Variants in USF2 observed in about 807,000 individuals in gnomAD.
USF2 encodes the protein upstream stimulatory factor 2.
Under a neutral mutation model 46.9 loss-of-function variants are expected in USF2, and 16 were observed. That is an observed-to-expected ratio of 0.34 (90% CI 0.23 to 0.52). The LOEUF is 0.52. Among genes scored for constraint, USF2 ranks in the 20% least tolerant of loss-of-function variants. The probability of loss-of-function intolerance (pLI) is 0.96; values close to 1 mark genes in which losing one functional copy is unlikely to be tolerated. For missense variants in USF2, 411 were observed against 474.0 expected (o/e 0.87, Z 1.23); for synonymous variants, 239 against 194.1 (o/e 1.23, Z -1.92).
intron 7 of USF2, chr19:35,275,818 C>T (rs780640915): frequency 6.6e-6 from 1 of 152,162 alleles, no homozygotes; most frequent in Non-Finnish European, 1.5e-5. Flanking sequence ...CCGACGGGCC[C>T]GAATGTGTCC....
In USF2 at chr19:35,279,078, G is replaced by A. The variant is rs749256208; in HGVS notation, c.951+4G>A. 1.9e-5 allele frequency: 30 copies of A among 1,607,616 alleles called. No individual in the cohort carries two copies. Among genetic ancestry groups the A allele is most frequent in the Non-Finnish European group, 2.5e-5 (30 of 1,177,020 alleles). On this transcript the variant is annotated splice_donor_region_variant and intron_variant, in intron 9 of 9. Transcript: ENST00000222305. ...CAACGAGCTCCTGAGGCAGCAGGTG[G>A]GTGCGGGGCCTGGAGCGGGTCAGGG...
At chr19:35,271,218 C>CA (rs974712485) in intron 7 of USF2, 77 bp downstream of exon 7, 283 of 1,572,398 alleles carry the variant, frequency 1.8e-4, no homozygotes, top group Non-Finnish European at 2.3e-4. Flanking sequence ...TGTGGAGTGA[C>CA]AGAGAGAGAA....
intron 7 of USF2, among the ~76,000 whole-genome samples, chr19:35,273,633 C>A (rs1034078649): frequency 3.3e-5 from 5 of 152,222 alleles, no homozygotes; most frequent in African/African-American, 1.2e-4. Context: ...TCACAGCTCA[C>A]TGCAGCCTTG....
At chr19:35,274,690 C>T (rs2066207728) in intron 7 of USF2, among the ~76,000 whole-genome samples, 1 of 152,230 alleles carries the variant, frequency 6.6e-6, no homozygotes, top group African/African-American at 2.4e-5. Flanking sequence ...GTAACAGTCC[C>T]AGCTACTTGG....
At chr19:35,269,381 G>A in intron 1 of USF2, 65 bp from the exon 2 acceptor site, 1 of 1,286,072 alleles carries the variant, frequency 7.8e-7, no homozygotes, top group Non-Finnish European at 9.8e-7. Context: ...CCCTGCAGCT[G>A]GGCGCGGGGG....
intron 1 of USF2, 41 bp from the exon 2 acceptor site, chr19:35,269,405 G>A (rs770906769): frequency 2.3e-5 from 31 of 1,358,064 alleles, no homozygotes; most frequent in Non-Finnish European, 2.8e-5. Context: ...GGGCGCGGGC[G>A]CGGGCCGCGC....
rs2066121671 is a variant in USF2 at position 35,269,849 on chromosome 19, A to G, written c.275A>G (p.Gln92Arg). Residue 92 changes from glutamine (Q) to arginine (R), a missense_variant, in exon 4 of 10, where the codon CAG (glutamine) becomes CGG (arginine). Physicochemically the swap from Gln to Arg is conservative, Grantham distance 43. This residue lies in a region of USF2 where 318 missense variants were observed against 322.4 expected (regional missense o/e 0.99). Coordinates refer to ENST00000222305, the MANE Select transcript of USF2 (RefSeq NM_003367.4). Reference protein sequence around the residue: ...VQVTDGQLDGQGDTAGAVSVV... With the variant: ...VQVTDGQLDGRGDTAGAVSVV... ...GTGACTGATGGTCAGCTGGACGGCC[A>G]GGGCGACACAGCTGGCGCCGTCAGC... The G allele has an allele frequency of 7.0e-7, 1 of 1,435,104 alleles. No homozygotes were observed. The highest frequency in any genetic ancestry group is 1.5e-5 in the African/African-American group (1 of 66,028). The allele number at this position is 1,435,104 out of a possible 1,614,324, so 88.9% of individuals were successfully genotyped here. A position where few individuals can be genotyped will look rare whatever the true frequency, so the allele number is the denominator to read the frequency against.
Position 35,270,787 on chromosome 19 carries a change from G to A in USF2, c.650G>A (p.Arg217Gln). 1 of 1,614,038 alleles carries A rather than the reference G, an allele frequency of 6.2e-7. No individual in the cohort carries two copies. Among genetic ancestry groups the A allele is most frequent in the Non-Finnish European group, 8.5e-7 (1 of 1,180,014 alleles). The part of the protein sequence containing the change: ...QTGTQRTIAP[R>Q]THPYSPKIDG... ...GGAACACAGAGGACGATCGCCCCCC[G>A]GACACACCCTTACTCTCCGTATGTG... The change falls in exon 6 of 10, where the codon CGG (arginine) becomes CAG (glutamine). Residue 217 changes from arginine (R) to glutamine (Q), a missense_variant. Physicochemically the swap from Arg to Gln is conservative, Grantham distance 43. Around this residue, in one of 2 missense-constraint regions of USF2, gnomAD observed 318 missense variants for 322.4 expected, o/e 0.99. Transcript: ENST00000222305.
chr19:35,269,627 C>T lies in USF2; in HGVS notation c.156C>T (p.Thr52=), dbSNP rs1428892465. The change falls in exon 3 of 10, where the codon ACC becomes ACT. Residue 52 remains threonine, a synonymous_variant. Coordinates refer to ENST00000222305, the MANE Select transcript of USF2 (RefSeq NM_003367.4). ...GAEEQTAVAI[T]SVQQAAFGDH... ...AGGAGCAGACAGCGGTGGCCATCAC[C>T]AGCGTCCAGCAGGCGGCGTTCGGCG... The T allele has an allele frequency of 1.9e-6, 3 of 1,597,304 alleles. No individual in the cohort carries two copies. Among genetic ancestry groups the T allele is most frequent in the Middle Eastern group, 1.8e-4 (1 of 5,692 alleles).
intron 7 of USF2, among the ~76,000 whole-genome samples, chr19:35,271,901 G>T (rs1169012128): frequency 6.6e-6 from 1 of 152,196 alleles, no homozygotes; most frequent in Non-Finnish European, 1.5e-5. Context: ...GACATTGATG[G>T]GGGGTGGGCT....
In USF2 at chr19:35,269,564, A is replaced by G. The variant is rs777188850; in HGVS notation, c.110-17A>G. The G allele has an allele frequency of 1.1e-5, 17 of 1,570,296 alleles. No homozygotes were observed. Among genetic ancestry groups the G allele is most frequent in the Non-Finnish European group, 1.5e-5 (17 of 1,159,914 alleles). On this transcript the variant is annotated splice_polypyrimidine_tract_variant and intron_variant, in intron 2 of 9. Transcript: ENST00000222305. Reference sequence around the variant, plus strand: ...TCGGCGCGGCCCTGACCGTGCCCCGACCCTCCTCGGCCCCAGGCGGGGACG... The same window carrying G: ...TCGGCGCGGCCCTGACCGTGCCCCGGCCCTCCTCGGCCCCAGGCGGGGACG...
chr19:35,269,741 C>T (rs1328711936), intron 3 of USF2, 42 bp downstream of exon 3: 1 of 1,413,196 alleles, frequency 7.1e-7, no homozygotes. Flanking sequence ...GGCGGGCGGG[C>T]GCGCCGGGAA....
chr19:35,269,740 GC>G, intron 3 of USF2, 41 bp downstream of exon 3: 4 of 121,084 alleles, frequency 3.3e-5, no homozygotes, highest in Non-Finnish European at 6.1e-5. Context: ...GGGCGGGCGG[GC>G]GCGCCGGGAA....
intron 1 of USF2, 132 bp downstream of exon 1, chr19:35,269,295 G>C (rs918663355): frequency 1.0e-5 from 9 of 874,826 alleles, no homozygotes; most frequent in Admixed American, 6.5e-5. Flanking sequence ...GCGCGGGGGG[G>C]ACCTGGCGCC....
At chr19:35,275,478 C>T (rs1184703057) in intron 7 of USF2, 1 of 140,178 alleles carries the variant, frequency 7.1e-6, no homozygotes, top group African/African-American at 2.6e-5. Context: ...CTTTATTTTA[C>T]AGGATTAATG....
chr19:35,278,764 G>C lies in USF2; in HGVS notation c.794G>C (p.Cys265Ser). 6.2e-7 allele frequency: 1 copy of C among 1,614,164 alleles called. No individual in the cohort carries two copies. The highest frequency in any genetic ancestry group is 8.5e-7 in the Non-Finnish European group (1 of 1,180,038). ...CAGCTTTCGAAAATCATTCCAGACT[G>C]TAACGCAGACAACAGCAAGACGGGA... is the stretch of plus-strand genomic sequence containing the variant. The part of the protein sequence containing the change: ...IVQLSKIIPD[C>S]NADNSKTGAS... The change falls in exon 8 of 10, where the codon TGT (cysteine) becomes TCT (serine). Residue 265 changes from cysteine (C) to serine (S), a missense_variant. By Grantham distance (112) the Cys-to-Ser change is moderately radical. This residue lies in a region of USF2 where 93 missense variants were observed against 151.6 expected (regional missense o/e 0.61). Transcript: ENST00000222305.
At chr19:35,277,969 T>G (rs889466808) in intron 7 of USF2, 12 of 152,338 alleles carry the variant, frequency 7.9e-5, no homozygotes, top group African/African-American at 2.9e-4. Context: ...TTGTGGAGTT[T>G]TATGGAGTAA....
Position 35,269,637 on chromosome 19 carries a change from C to A in USF2, c.166C>A (p.Gln56Lys). 6.3e-7 allele frequency: 1 copy of A among 1,595,138 alleles called. No individual in the cohort carries two copies. Among genetic ancestry groups the A allele is most frequent in the Non-Finnish European group, 8.5e-7 (1 of 1,171,628 alleles). ...QTAVAITSVQ[Q>K]AAFGDHNIQY... ...AGCGGTGGCCATCACCAGCGTCCAGCAGGCGGCGTTCGGCGACCACAACAT... is the reference window on the plus strand; with the variant it reads ...AGCGGTGGCCATCACCAGCGTCCAGAAGGCGGCGTTCGGCGACCACAACAT... Residue 56 changes from glutamine (Q) to lysine (K), a missense_variant, in exon 3 of 10, where the codon CAG (glutamine) becomes AAG (lysine). Around this residue, in one of 2 missense-constraint regions of USF2, gnomAD observed 318 missense variants for 322.4 expected, o/e 0.99. Coordinates refer to ENST00000222305, the MANE Select transcript of USF2 (RefSeq NM_003367.4).
chr19:35,271,225 A>G, intron 7 of USF2, 84 bp downstream of exon 7: 1 of 1,544,702 alleles, frequency 6.5e-7, no homozygotes, highest in African/African-American at 1.4e-5. Context: ...TGACAGAGAG[A>G]GAAGCCACTC....
Sources: allele counts gnomAD v4.1 joint callset (sites outside exome capture counted in the v4.1 genomes callset), GRCh38; gene constraint gnomAD v4.1.1; regional missense constraint gnomAD v4.1.1; transcripts MANE v1.5; gene names NCBI Gene and HGNC (gene_info 2026-07-23, HGNC 2026-07-21).